ITPR2: variants seen among roughly 807,000 people sequenced by gnomAD.
ITPR2 encodes inositol 1,4,5-trisphosphate receptor type 2, also known as inositol 1,4,5-trisphosphate-gated calcium channel ITPR2.
Under a neutral mutation model 317.1 loss-of-function variants are expected in ITPR2, and 207 were observed. The observed-to-expected ratio is 0.65, with a 90% CI of 0.58 to 0.73. The LOEUF is 0.73. Ranked by LOEUF, ITPR2 falls within the 30% of genes least tolerant of loss-of-function variation. The pLI, the probability that ITPR2 is intolerant of heterozygous loss-of-function variation, is 0.00. For missense variants in ITPR2, 2,613 were observed against 3,284.0 expected (o/e 0.80, Z 4.99); for synonymous variants, 1,156 against 1,149.1 (o/e 1.01, Z -0.12).
chr12:26,705,660 CA>C (rs1565706648), intron 9 of ITPR2, among the ~76,000 whole-genome samples: 1 of 152,174 alleles, frequency 6.6e-6, no homozygotes, highest in African/African-American at 2.4e-5. Context: ...TTTCCCTCAT[CA>C]ATTTGGCACC....
At chr12:26,691,072 A>G (rs1592042262) in intron 10 of ITPR2, among the ~76,000 whole-genome samples, 1 of 152,172 alleles carries the variant, frequency 6.6e-6, no homozygotes, top group Non-Finnish European at 1.5e-5. Context: ...ACTCTTTTGC[A>G]CTCTGTTAAT....
chr12:26,444,654 G>GC (rs1478596798), intron 45 of ITPR2, among the ~76,000 whole-genome samples: 2 of 152,084 alleles, frequency 1.3e-5, no homozygotes, highest in Non-Finnish European at 2.9e-5. Context: ...AAATGGTAGA[G>GC]CCAGTATTTT....
intron 2 of ITPR2, among the ~76,000 whole-genome samples, chr12:26,742,429 C>T (rs1268736492): frequency 6.6e-6 from 1 of 151,924 alleles, no homozygotes; most frequent in Non-Finnish European, 1.5e-5. Flanking sequence ...TCATAATAGT[C>T]AAAAAAGAGA....
rs1946567105 is a variant in ITPR2, at chr12:26,624,280, T to C, written c.3122+19A>G. 6.6e-7 allele frequency: 1 copy of C among 1,512,308 alleles called. No homozygotes were observed. Among genetic ancestry groups the C allele is most frequent in the South Asian group, 1.1e-5 (1 of 87,206 alleles). The allele number at this position is 1,512,308 out of a possible 1,614,324, so 93.7% of individuals were successfully genotyped here. A position where few individuals can be genotyped will look rare whatever the true frequency, so the allele number is the denominator to read the frequency against. On this transcript the variant is annotated intron_variant, in intron 24 of 56. Coordinates refer to ENST00000381340, the MANE Select transcript of ITPR2 (RefSeq NM_002223.4). ...ATGTTATTCACAAGTAAGATAAAGA[T>C]ATATAAATGTTACTATACCTTCCCG...
chr12:26,676,627 T>C (rs1947913805), intron 13 of ITPR2, among the ~76,000 whole-genome samples: 1 of 151,208 alleles, frequency 6.6e-6, no homozygotes, highest in African/African-American at 2.4e-5. Context: ...GAGATACAAG[T>C]AATAAAGGCA....
intron 1 of ITPR2, among the ~76,000 whole-genome samples, chr12:26,809,792 C>G (rs1592150705): frequency 2.0e-5 from 3 of 152,270 alleles, no homozygotes; most frequent in Admixed American, 2.0e-4. Context: ...GTTACCTCAT[C>G]CTGTTGGGCA....
At chr12:26,351,750 T>C (rs1357858322) in intron 55 of ITPR2, among the ~76,000 whole-genome samples, 2 of 152,208 alleles carry the variant, frequency 1.3e-5, no homozygotes, top group Non-Finnish European at 2.9e-5. Flanking sequence ...TTTTCCTGTG[T>C]TTTTCTTTTC....
At chr12:26,728,532 A>G (rs1268263580) in intron 2 of ITPR2, among the ~76,000 whole-genome samples, 1 of 152,184 alleles carries the variant, frequency 6.6e-6, no homozygotes, top group South Asian at 2.1e-4. Context: ...GTTCTGGATA[A>G]TAGGAGAGAA....
At chr12:26,620,872 T>C (rs535232314) in intron 26 of ITPR2, among the ~76,000 whole-genome samples, 6 of 152,290 alleles carry the variant, frequency 3.9e-5, no homozygotes, top group East Asian at 3.9e-4. Context: ...TGCTGAATTA[T>C]AGAATTTACC....
At chr12:26,689,242 C>A (rs1011552675) in intron 10 of ITPR2, among the ~76,000 whole-genome samples, 1 of 152,020 alleles carries the variant, frequency 6.6e-6, no homozygotes, top group Non-Finnish European at 1.5e-5. Flanking sequence ...CATGGCGAAA[C>A]CCCATCTCTA....
chr12:26,763,399 C>T (rs187668943), intron 2 of ITPR2, among the ~76,000 whole-genome samples: 2 of 151,916 alleles, frequency 1.3e-5, no homozygotes, highest in African/African-American at 2.4e-5. Context: ...AAAGGTATGA[C>T]TTTTTTTCCC....
At chr12:26,655,950 A>C in intron 19 of ITPR2, 98 bp from the exon 20 acceptor site, 1 of 1,209,816 alleles carries the variant, frequency 8.3e-7, no homozygotes. Context: ...ATCTTGGATA[A>C]ATTAGTTAGC....
At chr12:26,359,049 T>C (rs1177569775) in intron 55 of ITPR2, among the ~76,000 whole-genome samples, 7 of 152,246 alleles carry the variant, frequency 4.6e-5, no homozygotes, top group African/African-American at 1.7e-4. Context: ...TGACATTGCC[T>C]ACATCATATA....
intron 2 of ITPR2, among the ~76,000 whole-genome samples, chr12:26,778,139 G>A (rs566964242): frequency 7.1e-4 from 108 of 152,320 alleles, no homozygotes; most frequent in African/African-American, 2.3e-3. Flanking sequence ...GCAGCTGGCA[G>A]AACCCCCACA....
chr12:26,671,884 G>C (rs561458312), intron 13 of ITPR2, among the ~76,000 whole-genome samples: 1 of 152,130 alleles, frequency 6.6e-6, no homozygotes, highest in African/African-American at 2.4e-5. Context: ...AACGAAAAAA[G>C]GCAGGGGTTG....
At chr12:26,737,934 C>T (rs920963858) in intron 2 of ITPR2, among the ~76,000 whole-genome samples, 2 of 152,072 alleles carry the variant, frequency 1.3e-5, no homozygotes, top group African/African-American at 4.8e-5. Flanking sequence ...AAGATACTCC[C>T]AGATTAAAAT....
chr12:26,716,052 C>A, intron 6 of ITPR2, 92 bp downstream of exon 6: 1 of 853,890 alleles, frequency 1.2e-6, no homozygotes, highest in South Asian at 1.6e-5. Context: ...GGATTATGCT[C>A]ATGAAAACAA....
At chr12:26,552,361 T>A (rs1004121694) in intron 36 of ITPR2, among the ~76,000 whole-genome samples, 1 of 152,100 alleles carries the variant, frequency 6.6e-6, no homozygotes, top group African/African-American at 2.4e-5. Context: ...GCTAAATTTT[T>A]TTACTTTTTG....
At chr12:26,738,166 T>C (rs1949163362) in intron 2 of ITPR2, among the ~76,000 whole-genome samples, 2 of 152,146 alleles carry the variant, frequency 1.3e-5, no homozygotes, top group South Asian at 4.1e-4. Context: ...ATGTTACAGA[T>C]CATGAAACTG....
Sources: gnomAD v4.1 joint callset for allele counts (sites outside exome capture counted in the v4.1 genomes callset) on GRCh38, gnomAD v4.1.1 for gene constraint, MANE v1.5 for transcripts, NCBI Gene and HGNC (gene_info 2026-07-23, HGNC 2026-07-21) for gene names.